Variants in HACE1 observed in about 807,000 individuals in gnomAD.
HACE1 encodes the protein HECT domain and ankyrin repeat containing E3 ubiquitin protein ligase 1.
Under a neutral mutation model 118.4 loss-of-function variants are expected in HACE1, and 73 were observed. The observed-to-expected ratio is 0.62, with a 90% CI of 0.51 to 0.75. HACE1 has a LOEUF of 0.75. HACE1 is among the 30% of genes least tolerant of loss of function. The pLI is 0.00. For missense variants in HACE1, 749 were observed against 1,102.2 expected, an observed-to-expected ratio of 0.68 and a Z score of 4.54; for synonymous variants, 368 against 374.8, an observed-to-expected ratio of 0.98 and a Z score of 0.21.
chr6:104,754,490 T>A (rs9499949), intron 19 of HACE1, among the ~76,000 whole-genome samples: 189 of 152,102 alleles, frequency 1.2e-3, no homozygotes, highest in African/African-American at 4.4e-3. Flanking sequence ...GCCATCAGAT[T>A]CCCCAAGGTC....
intron 19 of HACE1, among the ~76,000 whole-genome samples, chr6:104,759,076 G>T (rs1779038873): frequency 6.6e-6 from 1 of 152,156 alleles, no homozygotes; most frequent in Non-Finnish European, 1.5e-5. Flanking sequence ...TCTACAAAGA[G>T]ACTTAGACTC....
intron 19 of HACE1, among the ~76,000 whole-genome samples, chr6:104,763,963 C>T (rs1779686609): frequency 6.6e-6 from 1 of 152,104 alleles, no homozygotes; most frequent in African/African-American, 2.4e-5. Flanking sequence ...GGCAGAACTG[C>T]TTGAACCTGA....
At chr6:104,795,524 G>T in intron 10 of HACE1, 55 bp downstream of exon 10, 2 of 994,990 alleles carry the variant, frequency 2.0e-6, no homozygotes, top group Non-Finnish European at 3.2e-6. Flanking sequence ...TACTCAGGAG[G>T]TGAAGCCAAC....
chr6:104,736,209 C>CA (rs1337810747), intron 22 of HACE1, among the ~76,000 whole-genome samples: 6 of 150,950 alleles, frequency 4.0e-5, no homozygotes, highest in East Asian at 1.9e-4. Context: ...AAAACAAAAA[C>CA]AAAAAAAAGT....
chr6:104,762,942 A>G (rs574093693), intron 19 of HACE1, among the ~76,000 whole-genome samples: 1 of 147,344 alleles, frequency 6.8e-6, no homozygotes, highest in Non-Finnish European at 1.5e-5. Flanking sequence ...GTGAGCTGAG[A>G]TCGCGCCACT....
intron 1 of HACE1, 51 bp from the exon 2 acceptor site, chr6:104,852,422 G>C (rs748433332): frequency 1.8e-6 from 2 of 1,089,536 alleles, no homozygotes; most frequent in Non-Finnish European, 2.8e-6. Context: ...TGTGCAAGGG[G>C]TGATACTTAA....
Position 104,777,039 on chromosome 6 carries a change from C to T in HACE1, c.1750G>A (p.Val584Ile), listed in dbSNP as rs1781289895. ...NCAKLKQGIA[V>I]RFHGEEGMGQ... ...ATGCCTTCTTCTCCATGGAACCGTA[C>T]AGCAATCCCTTGCTTTAGCTTTGCA... Residue 584 changes from valine (V) to isoleucine (I), a missense_variant, in exon 16 of 24, where the codon GTA (valine) becomes ATA (isoleucine). By Grantham distance (29) the Val-to-Ile change is conservative. Transcript: ENST00000262903. 3.7e-6 allele frequency: 6 copies of T among 1,610,492 alleles called. No individual in the cohort carries two copies. The highest frequency in any genetic ancestry group is 5.1e-6 in the Non-Finnish European group (6 of 1,176,972).
chr6:104,767,282 G>C (rs1035128033), intron 19 of HACE1, among the ~76,000 whole-genome samples: 11 of 152,172 alleles, frequency 7.2e-5, no homozygotes, highest in African/African-American at 2.7e-4. Flanking sequence ...ATCCACAACA[G>C]TGGCAGTTAT....
chr6:104,761,358 C>T (rs1779336357), intron 19 of HACE1, among the ~76,000 whole-genome samples: 1 of 152,162 alleles, frequency 6.6e-6, no homozygotes, highest in Non-Finnish European at 1.5e-5. Flanking sequence ...ATATATAGAA[C>T]AATGGAACAG....
intron 1 of HACE1, among the ~76,000 whole-genome samples, chr6:104,856,999 AG>A (rs560925921): frequency 4.3e-4 from 66 of 152,168 alleles, no homozygotes; most frequent in African/African-American, 1.6e-3. Flanking sequence ...CAAGTTTAAT[AG>A]TTTGTTGTAA....
At chr6:104,833,537 G>T (rs1774215563) in intron 5 of HACE1, among the ~76,000 whole-genome samples, 1 of 152,112 alleles carries the variant, frequency 6.6e-6, no homozygotes, top group Admixed American at 6.5e-5. Flanking sequence ...CATTACCACA[G>T]ATTTCAAAAT....
Position 104,792,388 on chromosome 6 carries a change from G to A in HACE1, c.924-734C>T, listed in dbSNP as rs1008325579. On this transcript the variant is annotated intron_variant, in intron 10 of 23. Coordinates refer to ENST00000262903, the MANE Select transcript of HACE1 (RefSeq NM_020771.4). Reference sequence around the variant, plus strand: ...GAATCCCACAGTTACCTTGGTATTGGTCAACATCATGAATACCAATAATTA... The same window carrying A: ...GAATCCCACAGTTACCTTGGTATTGATCAACATCATGAATACCAATAATTA... 2.0e-5 allele frequency among the ~76,000 whole-genome samples: 3 copies of A among 152,114 alleles called. No individual in the cohort carries two copies. The East Asian group carries it at 5.8e-4, about 29-fold the overall frequency.
At chr6:104,747,466 T>C (rs1389391930) in intron 20 of HACE1, among the ~76,000 whole-genome samples, 1 of 152,104 alleles carries the variant, frequency 6.6e-6, no homozygotes, top group African/African-American at 2.4e-5. Context: ...ACATCTAGTT[T>C]AGACGTTTGT....
intron 22 of HACE1, among the ~76,000 whole-genome samples, chr6:104,734,736 C>T (rs963623048): frequency 3.9e-5 from 6 of 152,124 alleles, no homozygotes; most frequent in African/African-American, 1.4e-4. Flanking sequence ...TTCAGCATTG[C>T]TAAGAATGAC....
At chr6:104,859,255 G>A (rs921753586) in intron 1 of HACE1, 12 of 349,710 alleles carry the variant, frequency 3.4e-5, no homozygotes, top group Admixed American at 5.2e-5. Flanking sequence ...CGGGTCTCGG[G>A]CCTCCGGCTG....
At chr6:104,753,206 G>C (rs1276559880) in intron 19 of HACE1, among the ~76,000 whole-genome samples, 1 of 152,126 alleles carries the variant, frequency 6.6e-6, no homozygotes, top group Non-Finnish European at 1.5e-5. Context: ...AAATACACTG[G>C]CTAAGGGTTC....
In HACE1 at chr6:104,852,723, G is replaced by C. The variant is rs145194415; in HGVS notation, c.77-352C>G. Among the ~76,000 whole-genome samples, 1,134 of 152,196 alleles carry C rather than the reference G, an allele frequency of 7.5e-3. 10 individuals carry two copies. The highest frequency in any genetic ancestry group is 9.1e-3 in the Non-Finnish European group (619 of 68,010). On this transcript the variant is annotated intron_variant, in intron 1 of 23. Transcript: ENST00000262903. ...ATCATCATCCAAAAACCTTTCTGTA[G>C]CTTTAACAATTGAAATTTCTTTTAC...
intron 19 of HACE1, among the ~76,000 whole-genome samples, chr6:104,765,223 T>C (rs992556706): frequency 6.6e-6 from 1 of 152,194 alleles, no homozygotes; most frequent in Non-Finnish European, 1.5e-5. Flanking sequence ...CACCATGCAG[T>C]AAACACAAGC....
chr6:104,823,804 C>A (rs1040088252), intron 6 of HACE1, among the ~76,000 whole-genome samples: 12 of 150,360 alleles, frequency 8.0e-5, no homozygotes, highest in African/African-American at 2.9e-4. Context: ...TTTGTAAAAG[C>A]TCTAAAATAG....
Sources: gnomAD v4.1 joint callset for allele counts (sites outside exome capture counted in the v4.1 genomes callset) on GRCh38, gnomAD v4.1.1 for gene constraint, MANE v1.5 for transcripts, NCBI Gene and HGNC (gene_info 2026-07-23, HGNC 2026-07-21) for gene names.